EFCAB11: variants seen among roughly 807,000 people sequenced by gnomAD.
The protein encoded by EFCAB11 is EF-hand calcium-binding domain-containing protein 11.
A neutral mutation model predicts 23.0 loss-of-function variants in EFCAB11; 14 were observed. The ratio of observed to expected loss-of-function variants is 0.61; its 90% CI spans 0.40 to 0.95. The LOEUF is 0.95. Among genes scored for constraint, EFCAB11 ranks in the 40% least tolerant of loss-of-function variants. The pLI is 0.00. For synonymous variants in EFCAB11, 65 were observed against 66.6 expected (o/e 0.98, Z 0.11); for missense variants, 198 against 195.8 (o/e 1.01, Z -0.07).
intron 3 of EFCAB11, among the ~76,000 whole-genome samples, chr14:89,935,657 T>C (rs1336460217): frequency 6.6e-6 from 1 of 152,086 alleles, no homozygotes; most frequent in Non-Finnish European, 1.5e-5. Flanking sequence ...GGCAGAGAGG[T>C]TGAGGTCAGG....
At chr14:89,897,778 A>G (rs981826452) in intron 5 of EFCAB11, among the ~76,000 whole-genome samples, 12 of 152,246 alleles carry the variant, frequency 7.9e-5, no homozygotes, top group African/African-American at 2.9e-4. Context: ...GTATTACACC[A>G]TAGTTTTAAT....
chr14:89,836,345 C>T (rs1197990691), intron 5 of EFCAB11: 1 of 336,116 alleles, frequency 3.0e-6, no homozygotes, highest in Non-Finnish European at 5.9e-6. Flanking sequence ...AGCTCATACC[C>T]ATTACCTTTT....
At chr14:89,917,392 T>C (rs1223812587) in intron 5 of EFCAB11, among the ~76,000 whole-genome samples, 1 of 152,196 alleles carries the variant, frequency 6.6e-6, no homozygotes, top group African/African-American at 2.4e-5. Context: ...TGTCCCCAGA[T>C]TCCTCCATGC....
At position 89,879,543 on chromosome 14, in the gene EFCAB11, CCAAA is replaced by C. The variant is rs1336950021; in HGVS notation, c.410+51994_410+51997del. Among the ~76,000 whole-genome samples, 4 of 151,738 alleles carry C rather than the reference CCAAA, an allele frequency of 2.6e-5. No individual in the cohort carries two copies. In the East Asian group the frequency reaches 5.8e-4, roughly 22 times the overall value. On this transcript the variant is annotated intron_variant, in intron 5 of 5. Coordinates refer to ENST00000316738, the MANE Select transcript of EFCAB11 (RefSeq NM_145231.4). ...ACCCCTCCAAAAAAAAAATCAAGGACCAAACAAACAGAAAAACTCCCAAACACTT... is the reference window on the plus strand; with the variant it reads ...ACCCCTCCAAAAAAAAAATCAAGGACCAAACAGAAAAACTCCCAAACACTT...
chr14:89,807,947 A>G (rs1185959380), intron 5 of EFCAB11, among the ~76,000 whole-genome samples: 1 of 152,232 alleles, frequency 6.6e-6, no homozygotes, highest in African/African-American at 2.4e-5. Context: ...ATATGTATAT[A>G]TAGGAATTCT....
At chr14:89,821,785 C>T (rs1190864516) in intron 5 of EFCAB11, among the ~76,000 whole-genome samples, 1 of 152,162 alleles carries the variant, frequency 6.6e-6, no homozygotes, top group Non-Finnish European at 1.5e-5. Context: ...AACACCTCCT[C>T]CTCTATGTGA....
intron 5 of EFCAB11, chr14:89,924,734 C>A (rs1282343761): frequency 1.8e-5 from 27 of 1,527,470 alleles, no homozygotes; most frequent in Non-Finnish European, 2.4e-5. Flanking sequence ...CACATGTAGA[C>A]AGAGGAAAAT....
chr14:89,812,508 T>C (rs1381575657), intron 5 of EFCAB11, among the ~76,000 whole-genome samples: 1 of 152,126 alleles, frequency 6.6e-6, no homozygotes, highest in Non-Finnish European at 1.5e-5. Context: ...TGAGAACAAA[T>C]TTGACAACAA....
intron 5 of EFCAB11, among the ~76,000 whole-genome samples, chr14:89,906,172 A>AAAAT (rs59351985): frequency 0.12 from 18,008 of 145,018 alleles, 1,389 homozygotes; most frequent in African/African-American, 0.21. Context: ...TTAGAGCACT[A>AAAAT]AAATAAATAA....
At chr14:89,953,561 A>G (rs1891275055) in intron 2 of EFCAB11, among the ~76,000 whole-genome samples, 2 of 152,220 alleles carry the variant, frequency 1.3e-5, no homozygotes, top group African/African-American at 4.8e-5. Context: ...CAAAGCAACA[A>G]AAGTAAAACG....
intron 5 of EFCAB11, chr14:89,892,529 T>C (rs954621994): frequency 9.3e-7 from 1 of 1,077,696 alleles, no homozygotes; most frequent in Non-Finnish European, 1.3e-6. Context: ...GGAGGACAAA[T>C]GACAGAAGGG....
intron 5 of EFCAB11, among the ~76,000 whole-genome samples, chr14:89,883,098 A>G (rs1888652408): frequency 6.6e-6 from 1 of 152,158 alleles, no homozygotes; most frequent in South Asian, 2.1e-4. Context: ...ACCAGATGCA[A>G]AACGCCCAAT....
chr14:89,874,359 A>C (rs1888370287), intron 5 of EFCAB11, among the ~76,000 whole-genome samples: 1 of 152,190 alleles, frequency 6.6e-6, no homozygotes, highest in Non-Finnish European at 1.5e-5. Context: ...AGGGGCTGGC[A>C]TAAGGGTCTC....
chr14:89,844,529 A>C (rs948723838), intron 5 of EFCAB11, among the ~76,000 whole-genome samples: 8 of 152,206 alleles, frequency 5.3e-5, no homozygotes, highest in Non-Finnish European at 1.0e-4. Context: ...TGGATGAATG[A>C]ATATAAGGAA....
chr14:89,954,494 C>CA lies in EFCAB11; in HGVS notation c.75+91dup, dbSNP rs1012168897. The CA allele has an allele frequency of 2.2e-5, 35 of 1,559,278 alleles. No individual in the cohort carries two copies. In the African/African-American group the frequency reaches 3.9e-4, roughly 18 times the overall value. Reference sequence around the variant, plus strand: ...ACAGGCAGCCCAGGTCTTATCTGCACACCCGGCAGAGTGAGACCCAGACAC... The same window carrying CA: ...ACAGGCAGCCCAGGTCTTATCTGCACAACCCGGCAGAGTGAGACCCAGACAC... On this transcript the variant is annotated intron_variant, in intron 1 of 5. Transcript: ENST00000316738.
At chr14:89,932,766 T>C in intron 3 of EFCAB11, 139 bp from the exon 4 acceptor site, 1 of 704,136 alleles carries the variant, frequency 1.4e-6, no homozygotes, top group South Asian at 1.9e-5. Context: ...TTACTCAAGA[T>C]CTGTGAAGTT....
chr14:89,836,118 T>G (rs550494658), intron 5 of EFCAB11, among the ~76,000 whole-genome samples: 1 of 151,798 alleles, frequency 6.6e-6, no homozygotes, highest in East Asian at 1.9e-4. Flanking sequence ...AAGAAGGGAG[T>G]ACCACAAGAG....
At chr14:89,895,377 CA>C (rs1889122039) in intron 5 of EFCAB11, among the ~76,000 whole-genome samples, 1 of 152,078 alleles carries the variant, frequency 6.6e-6, no homozygotes, top group South Asian at 2.1e-4. Flanking sequence ...TATGAGAAAA[CA>C]AAGAGCTGGA....
At chr14:89,846,598 T>C (rs769934937) in intron 5 of EFCAB11, among the ~76,000 whole-genome samples, 6 of 152,190 alleles carry the variant, frequency 3.9e-5, no homozygotes, top group Non-Finnish European at 8.8e-5. Flanking sequence ...TGTACATTAA[T>C]TGATCAATAT....
Sources: gnomAD v4.1 joint callset for allele counts (sites outside exome capture counted in the v4.1 genomes callset) on GRCh38, gnomAD v4.1.1 for gene constraint, MANE v1.5 for transcripts, NCBI Gene and HGNC (gene_info 2026-07-23, HGNC 2026-07-21) for gene names.